Variants in IFITM10 observed in about 807,000 individuals in gnomAD.
IFITM10 encodes interferon-induced transmembrane protein 10.
A neutral mutation model predicts 19.0 loss-of-function variants in IFITM10; 17 were observed. The ratio of observed to expected loss-of-function variants is 0.90; its 90% CI spans 0.61 to 1.34. The LOEUF (loss-of-function observed/expected upper bound fraction) is 1.34. Among genes scored for constraint, IFITM10 ranks in the 40% most tolerant of loss-of-function variants. The pLI is 0.00. For missense variants in IFITM10, 306 were observed against 319.8 expected (o/e 0.96, Z 0.33); for synonymous variants, 148 against 147.2 (o/e 1.01, Z -0.04).
At chr11:1,747,569 CCT>C (rs1309884021) in intron 2 of IFITM10, 96 bp downstream of exon 2, 2 of 1,082,416 alleles carry the variant, frequency 1.8e-6, no homozygotes, top group South Asian at 1.5e-5. Context: ...CGTGTGCTCC[CCT>C]GAGAGGGAGA....
At chr11:1,745,624 A>T (rs1275928112) in intron 2 of IFITM10, 3 of 152,328 alleles carry the variant, frequency 2.0e-5, no homozygotes, top group African/African-American at 4.8e-5. Context: ...ACATGCACAC[A>T]CTCACACACA....
In IFITM10 at chr11:1,747,942, C is replaced by G; in HGVS notation, c.262G>C (p.Ala88Pro). The change falls in exon 2 of 3, where the codon GCC becomes CCC. Residue 88 changes from alanine to proline, a missense_variant. By Grantham distance (27) the Ala-to-Pro change is conservative. Transcript: ENST00000340134. Reference sequence around the variant, plus strand: ...GAGGCCGAGGGCTCAGGGGCAGGGGCCGCCGGAGCCTGCAGGGCAGGGGGC... The same window carrying G: ...GAGGCCGAGGGCTCAGGGGCAGGGGGCGCCGGAGCCTGCAGGGCAGGGGGC... ...SKPPALQAPA[A>P]PAPEPSASPP... is the part of the protein sequence containing the mutation. 6.8e-7 allele frequency: 1 copy of G among 1,474,252 alleles called. No individual in the cohort carries two copies. The highest frequency in any genetic ancestry group is 9.0e-7 in the Non-Finnish European group (1 of 1,110,794). The allele number at this position is 1,474,252 out of a possible 1,614,324, so 91.3% of individuals were successfully genotyped here.
rs547626044 is a variant in IFITM10, at chr11:1,736,328, T to C, written c.538-899A>G. On this transcript the variant is annotated intron_variant, in intron 2 of 2. Coordinates refer to ENST00000340134, the MANE Select transcript of IFITM10 (RefSeq NM_001170820.4). Reference sequence around the variant, plus strand: ...TAGGCAGATGGACAGGAGACCTAGGTCGGAAGACTGGATGGACAGAGGATA... The same window carrying C: ...TAGGCAGATGGACAGGAGACCTAGGCCGGAAGACTGGATGGACAGAGGATA... Among the ~76,000 whole-genome samples the C allele has an allele frequency of 1.3e-3, 195 of 152,198 alleles. 1 individual carries two copies. The highest frequency in any genetic ancestry group is 9.1e-4 in the Non-Finnish European group (62 of 67,998).
At chr11:1,746,021 G>A (rs1460255183) in intron 2 of IFITM10, 1 of 141,910 alleles carries the variant, frequency 7.0e-6, no homozygotes, top group Non-Finnish European at 1.5e-5. Context: ...CAGTACACAG[G>A]CACACCCCAC....
rs3740621 is a variant in IFITM10 at position 1,750,567 on chromosome 11, T to C, written c.-125A>G. ...AGTCCTGCTTGGGGTCCTGTCTGCC[T>C]GCCTGTGCCTGACTCTGAACCCTTT... On this transcript the variant is annotated 5_prime_UTR_variant, in exon 1 of 3. Transcript: ENST00000340134. 318,548 of 1,243,332 alleles carry C rather than the reference T, an allele frequency of 0.26. 45,360 individuals carry two copies. The highest frequency in any genetic ancestry group is 0.56 in the African/African-American group (37,462 of 66,940). 77.0% of individuals were successfully genotyped at this position (1,243,332 alleles called of 1,614,324 possible). A position where few individuals can be genotyped will look rare whatever the true frequency, so the allele number is the denominator to read the frequency against.
At chr11:1,748,993 C>T in intron 1 of IFITM10, 1 of 1,024,350 alleles carries the variant, frequency 9.8e-7, no homozygotes, top group South Asian at 2.5e-5. Context: ...CTGCCGCAGC[C>T]CCCCGGACGG....
Position 1,747,651 on chromosome 11 carries a change from C to A in IFITM10, c.537+16G>T, listed in dbSNP as rs1845666288. On this transcript the variant is annotated intron_variant, in intron 2 of 2. Transcript: ENST00000340134. ...TCTCTAGCCCGCCCTTGCCCCCTGCCACCGCCCGGGCTCACTTTGAGGGAG... is the reference window on the plus strand; with the variant it reads ...TCTCTAGCCCGCCCTTGCCCCCTGCAACCGCCCGGGCTCACTTTGAGGGAG... The A allele has an allele frequency of 1.3e-6, 2 of 1,550,896 alleles. No individual in the cohort carries two copies.
In IFITM10 at chr11:1,750,543, G is replaced by A; in HGVS notation, c.-101C>T. 4 of 1,471,032 alleles carry A rather than the reference G, an allele frequency of 2.7e-6. No homozygotes were observed. The highest frequency in any genetic ancestry group is 3.7e-6 in the Non-Finnish European group (4 of 1,088,252). The allele number at this position is 1,471,032 out of a possible 1,614,324, so 91.1% of individuals were successfully genotyped here. ...ACCCTCTTTCCTGTCTGGAAGGCCA[G>A]TCCTGCTTGGGGTCCTGTCTGCCTG... On this transcript the variant is annotated 5_prime_UTR_variant, in exon 1 of 3. Transcript: ENST00000340134.
rs760777876 is a variant in IFITM10 at position 1,749,005 on chromosome 11, GCCT to G, written c.85-889_85-887del. The G allele has an allele frequency of 7.7e-6, 8 of 1,043,764 alleles. No homozygotes were observed. In the South Asian group the frequency reaches 1.9e-4, roughly 25 times the overall value. The allele number at this position is 1,043,764 out of a possible 1,614,324, so 64.7% of individuals were successfully genotyped here. On this transcript the variant is annotated intron_variant, in intron 1 of 2. Transcript: ENST00000340134. The stretch of plus-strand genomic sequence containing the variant: ...GGTCTGCCGCAGCCCCCCGGACGGC[GCCT>G]CCTCACCTACAAGCGACTCCTCGGC...
rs1851057973 is a variant in IFITM10 at position 1,734,169 on chromosome 11, A to G, written c.*1111T>C. On this transcript the variant is annotated 3_prime_UTR_variant, in exon 3 of 3. Transcript: ENST00000340134. ...CTCGCCGATGCCCTGCACTTTTCCT[A>G]GTGCACCCTCATCAGCTTGTCTTCA... is the stretch of plus-strand genomic sequence containing the variant. The G allele has an allele frequency of 6.6e-6, 1 of 152,198 alleles. No homozygotes were observed. The highest frequency in any genetic ancestry group is 1.5e-5 in the Non-Finnish European group (1 of 68,158). The allele number at this position is 152,198 out of a possible 1,614,324, so 9.4% of individuals were successfully genotyped here. A position where few individuals can be genotyped will look rare whatever the true frequency, so the allele number is the denominator to read the frequency against.
rs550838194 is a variant in IFITM10 at position 1,747,809 on chromosome 11, T to G, written c.395A>C (p.Lys132Thr). 75 of 1,550,202 alleles carry G rather than the reference T, an allele frequency of 4.8e-5. No individual in the cohort carries two copies. The Admixed American group carries it at 8.7e-4, about 18-fold the overall frequency. The change falls in exon 2 of 3, where the codon AAG (lysine) becomes ACG (threonine). Residue 132 changes from lysine to threonine, a missense_variant. By Grantham distance (78) the Lys-to-Thr change is moderately conservative. Transcript: ENST00000340134. ...PPACKHLAEKKTMTNPTTVIE... is the reference protein window; with the variant it reads ...PPACKHLAEKTTMTNPTTVIE... ...GACGGTCGTGGGGTTGGTCATCGTC[T>G]TCTTCTCGGCTAGGTGCTTGCAGGC...
intron 2 of IFITM10, chr11:1,745,954 C>T (rs2010152): frequency 0.05 from 6,529 of 131,786 alleles, 1,151 homozygotes; most frequent in African/African-American, 0.14. Context: ...CACATTTATA[C>T]GTGCCATGCA....
rs755669867 is a variant in IFITM10, at chr11:1,735,250, G to A, written c.*30C>T. 13 of 1,549,752 alleles carry A rather than the reference G, an allele frequency of 8.4e-6. No individual in the cohort carries two copies. The highest frequency in any genetic ancestry group is 1.7e-4 in the Middle Eastern group (1 of 6,008). On this transcript the variant is annotated 3_prime_UTR_variant, in exon 3 of 3. Transcript: ENST00000340134. ...TGAGAATAAACATGTCTCAGTGCTT[G>A]TCTCCGCCAGCAGCCGTGCCTGGCG...
In IFITM10 at chr11:1,733,730, G is replaced by C. The variant is rs998689259; in HGVS notation, c.*1550C>G. The C allele has an allele frequency of 6.6e-6, 1 of 152,184 alleles. No individual in the cohort carries two copies. Among genetic ancestry groups the C allele is most frequent in the Admixed American group, 6.5e-5 (1 of 15,268 alleles). The allele number at this position is 152,184 out of a possible 1,614,324, so 9.4% of individuals were successfully genotyped here. A position where few individuals can be genotyped will look rare whatever the true frequency, so the allele number is the denominator to read the frequency against. ...CTCTCCACTGGGCTGTCCAAGTCAA[G>C]GGACAGGAATCCTCCGGGCTTCTCC... On this transcript the variant is annotated 3_prime_UTR_variant, in exon 3 of 3. Coordinates refer to ENST00000340134, the MANE Select transcript of IFITM10 (RefSeq NM_001170820.4). The surrounding 1 kb of genome is among the most constrained non-coding windows in gnomAD (Gnocchi z 6.3).
chr11:1,745,836 GCACA>G (rs988891710), intron 2 of IFITM10: 1 of 148,236 alleles, frequency 6.7e-6, no homozygotes, highest in Non-Finnish European at 1.5e-5. Flanking sequence ...ACACACCCGT[GCACA>G]CACATTTATA....
In IFITM10 at chr11:1,750,363, A is replaced by AG; in HGVS notation, c.79dup (p.Leu27ProfsTer66). On this transcript the variant is annotated frameshift_variant, in exon 1 of 3. Coordinates refer to ENST00000340134, the MANE Select transcript of IFITM10 (RefSeq NM_001170820.4). LOFTEE classifies it high-confidence loss of function. ...AGCTGGGTCCTCTTCACCAACCTCC[A>AG]GCTCCCACTGAGCCTCGACCCTCTC... 4 of 1,549,492 alleles carry AG rather than the reference A, an allele frequency of 2.6e-6. No individual in the cohort carries two copies. The highest frequency in any genetic ancestry group is 3.5e-6 in the Non-Finnish European group (4 of 1,146,758).
At chr11:1,743,083 A>T (rs1186209137) in intron 2 of IFITM10, among the ~76,000 whole-genome samples, 1 of 145,320 alleles carries the variant, frequency 6.9e-6, no homozygotes, top group African/African-American at 2.6e-5. Flanking sequence ...GGATGGATGG[A>T]GGATGGATGG....
rs866860716 is a variant in IFITM10 at position 1,748,905 on chromosome 11, C to T, written c.85-786G>A. On this transcript the variant is annotated intron_variant, in intron 1 of 2. Coordinates refer to ENST00000340134, the MANE Select transcript of IFITM10 (RefSeq NM_001170820.4). ...CCAAGTCGCTCGCGCTCTGCGCCAC[C>T]CCGCGTTCCCAGCTCCCGTGCGGCG... The T allele has an allele frequency of 5.8e-4, 183 of 315,344 alleles. 2 individuals are homozygous for T. The highest frequency in any genetic ancestry group is 4.7e-3 in the Middle Eastern group (4 of 852). 19.5% of individuals were successfully genotyped at this position (315,344 alleles called of 1,614,324 possible).
rs1851066974 is a variant in IFITM10 at position 1,734,888 on chromosome 11, C to T, written c.*392G>A. ...GTGGAGGAGGCAGGGTCGGGGAGCA[C>T]AGAGTGAGTCCTCCCAACCTGGGAC... On this transcript the variant is annotated 3_prime_UTR_variant, in exon 3 of 3. Coordinates refer to ENST00000340134, the MANE Select transcript of IFITM10 (RefSeq NM_001170820.4). 1 of 212,386 alleles carries T rather than the reference C, an allele frequency of 4.7e-6. No homozygotes were observed. Among genetic ancestry groups the T allele is most frequent in the Non-Finnish European group, 9.4e-6 (1 of 106,782 alleles). 13.2% of individuals were successfully genotyped at this position (212,386 alleles called of 1,614,324 possible). A position where few individuals can be genotyped will look rare whatever the true frequency, so the allele number is the denominator to read the frequency against.
Sources: allele counts gnomAD v4.1 joint callset (sites outside exome capture counted in the v4.1 genomes callset), GRCh38; gene constraint gnomAD v4.1.1; non-coding constraint Gnocchi (gnomAD v3.1); transcripts MANE v1.5; gene names NCBI Gene and HGNC (gene_info 2026-07-23, HGNC 2026-07-21).